Variants in HIVEP2 observed in about 807,000 individuals in gnomAD.
The protein encoded by HIVEP2 is HIVEP zinc finger 2.
HIVEP2 carries 14 observed loss-of-function variants against 180.7 expected under a neutral mutation model. The ratio of observed to expected loss-of-function variants is 0.08; its 90% CI spans 0.05 to 0.12. The LOEUF (loss-of-function observed/expected upper bound fraction) is 0.12, where lower values mean the gene tolerates loss of function less well. HIVEP2 is among the 10% of genes least tolerant of loss of function. The pLI is 1.00. For missense variants in HIVEP2, 2,579 were observed against 3,008.5 expected (o/e 0.86, Z 3.34); for synonymous variants, 1,184 against 1,136.4 (o/e 1.04, Z -0.84).
chr6:142,943,933 T>G lies in HIVEP2; in HGVS notation c.-641+1166A>C. On this transcript the variant is annotated intron_variant, in intron 1 of 9. Transcript: ENST00000367603. This position sits in a 1 kb window ranked among gnomAD's most constrained non-coding sequence, Gnocchi z 4.5. ...CGCCCCCCATCCGCCGCCCACACAT[T>G]ATTGCTTCTCTCCTCCAAGTGTCTT... is the stretch of plus-strand genomic sequence containing the variant. 6.6e-6 allele frequency among the ~76,000 whole-genome samples: 1 copy of G among 152,042 alleles called. No homozygotes were observed. Among genetic ancestry groups the G allele is most frequent in the East Asian group, 1.9e-4 (1 of 5,178 alleles).
At chr6:142,762,241 C>T (rs529478204) in intron 7 of HIVEP2, among the ~76,000 whole-genome samples, 2 of 152,214 alleles carry the variant, frequency 1.3e-5, no homozygotes, top group African/African-American at 4.8e-5. Flanking sequence ...GCAACATTCC[C>T]TCTTTACTTA....
intron 2 of HIVEP2, among the ~76,000 whole-genome samples, chr6:142,825,287 TACACACACACACAC>T (rs11468410): frequency 6.7e-6 from 1 of 149,818 alleles, no homozygotes. Flanking sequence ...AAAGTCCAAT[TACACACACACACAC>T]ACACACACAC....
rs372726575 is a variant in HIVEP2 at position 142,773,444 on chromosome 6, A to C, written c.1295T>G (p.Leu432Arg). ...EEIIFGKYCRLSPRNALSVTT... is the reference protein window; with the variant it reads ...EEIIFGKYCRRSPRNALSVTT... ...AACACTGAGTGCATTTCTCGGACTA[A>C]GCCGACAGTATTTTCCAAAGATGAT... Residue 432 changes from leucine to arginine, a missense_variant, in exon 5 of 10, where the codon CTT becomes CGT. Physicochemically the swap from Leu to Arg is moderately radical, Grantham distance 102 (BLOSUM62 -2). This residue lies in a region of HIVEP2 where 524 missense variants were observed against 563.6 expected (regional missense o/e 0.93). Coordinates refer to ENST00000367603, the MANE Select transcript of HIVEP2 (RefSeq NM_006734.4). 22 of 1,614,068 alleles carry C rather than the reference A, an allele frequency of 1.4e-5. No homozygotes were observed. Among genetic ancestry groups the C allele is most frequent in the Non-Finnish European group, 1.9e-5 (22 of 1,180,048 alleles).
intron 1 of HIVEP2, among the ~76,000 whole-genome samples, chr6:142,900,884 G>T (rs1050960323): frequency 6.6e-5 from 10 of 152,188 alleles, no homozygotes; most frequent in Non-Finnish European, 1.5e-4. Context: ...GAATGCAGTT[G>T]TGTATACACA....
chr6:142,858,003 G>T (rs1229064410), intron 1 of HIVEP2, among the ~76,000 whole-genome samples: 1 of 152,184 alleles, frequency 6.6e-6, no homozygotes, highest in Admixed American at 6.5e-5. Flanking sequence ...CCCCGGCAGG[G>T]ATGCTGCAGC....
chr6:142,772,418 G>A lies in HIVEP2; in HGVS notation c.2321C>T (p.Ser774Leu). 1 of 1,614,224 alleles carries A rather than the reference G, an allele frequency of 6.2e-7. No individual in the cohort carries two copies. The highest frequency in any genetic ancestry group is 8.5e-7 in the Non-Finnish European group (1 of 1,180,050). Residue 774 changes from serine to leucine, a missense_variant, in exon 5 of 10, where the codon TCA (serine) becomes TTA (leucine). Around this residue, in one of 11 missense-constraint regions of HIVEP2, gnomAD observed 524 missense variants for 563.6 expected, o/e 0.93. Transcript: ENST00000367603. The surrounding 1 kb of genome is among the most constrained non-coding windows in gnomAD (Gnocchi z 4.9). ...QLQPGSPSLV[S>L]EESPSAIDSD... ...ATCAATGGCTGAAGGTGACTCCTCTGACACAAGAGATGGACTTCCAGGCTG... is the reference window on the plus strand; with the variant it reads ...ATCAATGGCTGAAGGTGACTCCTCTAACACAAGAGATGGACTTCCAGGCTG...
chr6:142,753,369 T>C lies in HIVEP2; in HGVS notation c.7079A>G (p.Asn2360Ser), dbSNP rs1774971889. Residue 2360 changes from asparagine (N) to serine (S), a missense_variant, in exon 10 of 10, where the codon AAC becomes AGC. Around this residue, in one of 11 missense-constraint regions of HIVEP2, gnomAD observed 660 missense variants for 731.7 expected, o/e 0.90. Transcript: ENST00000367603. ...QPARVQEPHQ[N>S]PLGSAHVSIR... ...GCTAACATGTGCACTTCCCAGGGGG[T>C]TCTGGTGGGGCTCCTGCACCCGCGC... 2 of 1,613,860 alleles carry C rather than the reference T, an allele frequency of 1.2e-6. No individual in the cohort carries two copies. Among genetic ancestry groups the C allele is most frequent in the East Asian group, 4.5e-5 (2 of 44,864 alleles).
intron 1 of HIVEP2, among the ~76,000 whole-genome samples, chr6:142,839,543 T>G (rs1169851242): frequency 6.6e-6 from 1 of 152,146 alleles, no homozygotes; most frequent in Non-Finnish European, 1.5e-5. Context: ...ATTGGTTTGT[T>G]TCAGTTATTC....
intron 1 of HIVEP2, among the ~76,000 whole-genome samples, chr6:142,903,330 T>C (rs1476534543): frequency 1.3e-5 from 2 of 152,244 alleles, no homozygotes; most frequent in Non-Finnish European, 2.9e-5. Context: ...TTAGTAAGCA[T>C]AAATTTAAGA....
chr6:142,794,684 T>A (rs533985), intron 2 of HIVEP2, among the ~76,000 whole-genome samples: 6,382 of 152,314 alleles, frequency 0.042, 202 homozygotes, highest in Non-Finnish European at 0.068. Context: ...GCATCTGACA[T>A]ATTCTTGGAC....
chr6:142,753,658 T>G lies in HIVEP2; in HGVS notation c.6790A>C (p.Lys2264Gln). 6.2e-7 allele frequency: 1 copy of G among 1,614,164 alleles called. No homozygotes were observed. Among genetic ancestry groups the G allele is most frequent in the Non-Finnish European group, 8.5e-7 (1 of 1,180,034 alleles). The change falls in exon 10 of 10, where the codon AAA (lysine) becomes CAA (glutamine). Residue 2264 changes from lysine to glutamine, a missense_variant. Around this residue, in one of 11 missense-constraint regions of HIVEP2, gnomAD observed 660 missense variants for 731.7 expected, o/e 0.90. Transcript: ENST00000367603. ...PLPMEGFEEK[K>Q]GASGESFSKD... The stretch of plus-strand genomic sequence containing the variant: ...GAGAAGGACTCCCCTGACGCGCCTT[T>G]CTTCTCCTCAAAGCCCTCCATTGGC...
chr6:142,896,318 C>G (rs1277683316), intron 1 of HIVEP2, among the ~76,000 whole-genome samples: 2 of 152,198 alleles, frequency 1.3e-5, no homozygotes, highest in East Asian at 3.8e-4. Context: ...TCACTATTGT[C>G]TCTGAATTCC....
chr6:142,763,099 T>C (rs3850227), intron 7 of HIVEP2, among the ~76,000 whole-genome samples: 16 of 152,240 alleles, frequency 1.1e-4, no homozygotes, highest in Non-Finnish European at 2.2e-4. Context: ...TTCTTTCTCC[T>C]ACATTTTTCT....
At chr6:142,789,136 A>C (rs1489635397) in intron 2 of HIVEP2, among the ~76,000 whole-genome samples, 5 of 152,214 alleles carry the variant, frequency 3.3e-5, no homozygotes, top group Non-Finnish European at 7.4e-5. Context: ...GGTAAAGACC[A>C]CAGAGAAAAT....
At chr6:142,793,640 C>CTT (rs1562521208) in intron 2 of HIVEP2, among the ~76,000 whole-genome samples, 222 of 37,016 alleles carry the variant, frequency 6.0e-3, no homozygotes, top group Admixed American at 0.016. Flanking sequence ...TTCTTTCTTT[C>CTT]TTTCTTTCTT....
At chr6:142,893,111 G>A (rs970491250) in intron 1 of HIVEP2, among the ~76,000 whole-genome samples, 1 of 152,112 alleles carries the variant, frequency 6.6e-6, no homozygotes, top group East Asian at 1.9e-4. Context: ...TATTGGCCAG[G>A]CAGGAACTGG....
chr6:142,818,506 G>A (rs934150778), intron 2 of HIVEP2, among the ~76,000 whole-genome samples: 2 of 151,250 alleles, frequency 1.3e-5, no homozygotes, highest in Admixed American at 6.6e-5. Flanking sequence ...ATGAAGCTTC[G>A]TCTCCACAAA....
rs368106310 is a variant in HIVEP2, at chr6:142,774,360, G to T, written c.379C>A (p.Pro127Thr). 56 of 1,614,098 alleles carry T rather than the reference G, an allele frequency of 3.5e-5. No homozygotes were observed. In the African/African-American group the frequency reaches 6.0e-4, roughly 17 times the overall value. ...QSLEGPPWLFPGPLPSVASED... is the reference protein window; with the variant it reads ...QSLEGPPWLFTGPLPSVASED... The stretch of plus-strand genomic sequence containing the variant: ...GAGGCAACGGATGGCAAAGGGCCAG[G>T]GAAAAGCCACGGAGGACCTTCGAGG... The change falls in exon 5 of 10, where the codon CCT (proline) becomes ACT (threonine). Residue 127 changes from proline (P) to threonine (T), a missense_variant. Around this residue, in one of 11 missense-constraint regions of HIVEP2, gnomAD observed 207 missense variants for 210.1 expected, o/e 0.99. Transcript: ENST00000367603. The surrounding 1 kb of genome is among the most constrained non-coding windows in gnomAD (Gnocchi z 5.1).
At chr6:142,815,224 G>T (rs148101899) in intron 2 of HIVEP2, among the ~76,000 whole-genome samples, 1 of 152,084 alleles carries the variant, frequency 6.6e-6, no homozygotes, top group Non-Finnish European at 1.5e-5. Flanking sequence ...TGCTCTTTGG[G>T]GGGGACACAT....
Sources: gnomAD v4.1 joint callset for allele counts (sites outside exome capture counted in the v4.1 genomes callset) on GRCh38, gnomAD v4.1.1 for gene constraint, gnomAD v4.1.1 regional missense constraint, Gnocchi (gnomAD v3.1) non-coding constraint, MANE v1.5 for transcripts, NCBI Gene and HGNC (gene_info 2026-07-23, HGNC 2026-07-21) for gene names.